The following MAP3K3 variants were observed in gnomAD, a reference collection of about 807,000 sequenced individuals.
MAP3K3 encodes mitogen-activated protein kinase kinase kinase 3, also known as MAP/ERK kinase kinase 3.
Under a neutral mutation model 80.9 loss-of-function variants are expected in MAP3K3, and 12 were observed. The ratio of observed to expected loss-of-function variants is 0.15; its 90% CI spans 0.10 to 0.24. MAP3K3 has a LOEUF of 0.24. Among genes scored for constraint, MAP3K3 ranks in the 10% least tolerant of loss-of-function variants. The pLI is 1.00. For synonymous variants in MAP3K3, 272 were observed against 307.1 expected, an observed-to-expected ratio of 0.89 and a Z score of 1.19; for missense variants, 596 against 834.7, an observed-to-expected ratio of 0.71 and a Z score of 3.52.
chr17:63,664,916 C>T (rs1467822375), intron 5 of MAP3K3, among the ~76,000 whole-genome samples: 1 of 152,096 alleles, frequency 6.6e-6, no homozygotes, highest in African/African-American at 2.4e-5. Flanking sequence ...CTTTTGCCCC[C>T]TTAAATTGAG....
chr17:63,659,750 C>A (rs2034849040), intron 5 of MAP3K3, among the ~76,000 whole-genome samples: 1 of 151,964 alleles, frequency 6.6e-6, no homozygotes, highest in Admixed American at 6.6e-5. Context: ...CCAGACTGGT[C>A]TTGAACTCCT....
rs545692705 is a variant in MAP3K3, at chr17:63,689,397, C to G, written c.872-147C>G. 264 of 649,772 alleles carry G rather than the reference C, an allele frequency of 4.1e-4. 5 individuals carry two copies. In the African/African-American group the frequency reaches 4.5e-3, roughly 11 times the overall value. The allele number at this position is 649,772 out of a possible 1,614,324, so 40.3% of individuals were successfully genotyped here. ...CAGGTGGGAGTGCGGACGGGATGGG[C>G]TGGAGCTGGTATTATCTATCACTTC... is the stretch of plus-strand genomic sequence containing the variant. On this transcript the variant is annotated intron_variant, in intron 10 of 15. Coordinates refer to ENST00000361733, the MANE Select transcript of MAP3K3 (RefSeq NM_002401.5). The surrounding 1 kb of genome is among the most constrained non-coding windows in gnomAD (Gnocchi z 4.3).
At chr17:63,628,815 G>T (rs2143146050) in intron 1 of MAP3K3, among the ~76,000 whole-genome samples, 1 of 152,272 alleles carries the variant, frequency 6.6e-6, no homozygotes, top group African/African-American at 2.4e-5. Flanking sequence ...TAAAAGTTCA[G>T]TAATAAAATT....
rs1598128331 is a variant in MAP3K3 at position 63,693,123 on chromosome 17, A to G, written c.1653-426A>G. On this transcript the variant is annotated intron_variant, in intron 15 of 15. Transcript: ENST00000361733. This position sits in a 1 kb window ranked among gnomAD's most constrained non-coding sequence, Gnocchi z 4.2. ...TAGAACCCAGGAAAGGCAAGGAAAC[A>G]GGTTCTCCCCTCAGAGCCTCTGACA... Among the ~76,000 whole-genome samples, 1 of 152,202 alleles carries G rather than the reference A, an allele frequency of 6.6e-6. No individual in the cohort carries two copies. The highest frequency in any genetic ancestry group is 1.5e-5 in the Non-Finnish European group (1 of 68,042).
chr17:63,622,983 C>T (rs1048008155), intron 1 of MAP3K3, among the ~76,000 whole-genome samples: 7 of 149,002 alleles, frequency 4.7e-5, no homozygotes, highest in Non-Finnish European at 1.5e-5. Context: ...AGAGCCCGCT[C>T]GGCAGCCCTC....
At chr17:63,649,309 C>A (rs992217153) in intron 3 of MAP3K3, among the ~76,000 whole-genome samples, 33 of 151,862 alleles carry the variant, frequency 2.2e-4, no homozygotes. Flanking sequence ...TGGTGGTGCA[C>A]ACCTGTAGTC....
Position 63,688,843 on chromosome 17 carries a change from G to A in MAP3K3, c.833G>A (p.Arg278His), listed in dbSNP as rs368873892. The A allele has an allele frequency of 4.9e-5, 79 of 1,614,066 alleles. No homozygotes were observed. The highest frequency in any genetic ancestry group is 2.9e-4 in the South Asian group (26 of 91,076). Residue 278 changes from arginine (R) to histidine (H), a missense_variant, in exon 10 of 16, where the codon CGC becomes CAC. By Grantham distance (29) the Arg-to-His change is conservative (BLOSUM62 0). This residue lies in a region of MAP3K3 where 364 missense variants were observed against 588.9 expected (regional missense o/e 0.62). Transcript: ENST00000361733. ...GTCAAAGGTGGAACCTACCCCCGGC[G>A]CTACCACGTGTCTGTGCACCACAAG... ...KGVKGGTYPR[R>H]YHVSVHHKDY...
At chr17:63,663,878 C>T (rs2034945341) in intron 5 of MAP3K3, among the ~76,000 whole-genome samples, 1 of 151,856 alleles carries the variant, frequency 6.6e-6, no homozygotes, top group South Asian at 2.1e-4. Flanking sequence ...AAGACCCTGT[C>T]TCAAAAACAA....
chr17:63,632,997 G>A (rs544114717), intron 2 of MAP3K3, among the ~76,000 whole-genome samples, 195 bp downstream of exon 2: 2 of 152,290 alleles, frequency 1.3e-5, no homozygotes, highest in South Asian at 2.1e-4. Flanking sequence ...GGAGGCCGAG[G>A]CAGGCGGATC....
chr17:63,672,283 CAAAAAAA>C (rs150268322), intron 6 of MAP3K3, among the ~76,000 whole-genome samples: 1 of 46,576 alleles, frequency 2.1e-5, no homozygotes, highest in African/African-American at 7.8e-5. Context: ...AACTCCATCT[CAAAAAAA>C]AAAAAAAAAA....
At chr17:63,636,023 T>A (rs2034316428) in intron 2 of MAP3K3, among the ~76,000 whole-genome samples, 2 of 152,194 alleles carry the variant, frequency 1.3e-5, no homozygotes, top group African/African-American at 2.4e-5. Flanking sequence ...ATGGCAGTGC[T>A]GGCTACAAGG....
intron 5 of MAP3K3, among the ~76,000 whole-genome samples, chr17:63,661,867 G>GC (rs2034898481): frequency 6.6e-6 from 1 of 152,186 alleles, no homozygotes; most frequent in African/African-American, 2.4e-5. Flanking sequence ...ACTTTGGGAG[G>GC]CCGAGGCAGG....
At chr17:63,681,621 G>A in intron 6 of MAP3K3, 145 bp from the exon 7 acceptor site, 2 of 633,640 alleles carry the variant, frequency 3.2e-6, no homozygotes, top group Non-Finnish European at 2.4e-6. Context: ...TTGCCTGAGG[G>A]AGCTGGCACA....
chr17:63,629,599 G>A (rs1799536259), intron 1 of MAP3K3, among the ~76,000 whole-genome samples: 1 of 152,128 alleles, frequency 6.6e-6, no homozygotes, highest in African/African-American at 2.4e-5. Context: ...CCTCAATCCA[G>A]GAAGAAATGC....
intron 3 of MAP3K3, among the ~76,000 whole-genome samples, chr17:63,647,788 G>T (rs570052641): frequency 1.3e-5 from 2 of 152,170 alleles, no homozygotes; most frequent in Non-Finnish European, 2.9e-5. Context: ...TGTATTTCAC[G>T]TCAGGATTTT....
At chr17:63,670,045 G>C (rs2035072364) in intron 6 of MAP3K3, among the ~76,000 whole-genome samples, 1 of 151,738 alleles carries the variant, frequency 6.6e-6, no homozygotes, top group African/African-American at 2.4e-5. Flanking sequence ...AGAGGTTTCA[G>C]TGAGCCATGA....
intron 1 of MAP3K3, 58 bp downstream of exon 1, chr17:63,622,821 G>A (rs2034016160): frequency 4.6e-6 from 2 of 435,288 alleles, no homozygotes; most frequent in Non-Finnish European, 9.1e-6. Flanking sequence ...CCCCGCCCCA[G>A]GCTGAGGGAG....
chr17:63,624,618 C>T (rs185543689), intron 1 of MAP3K3, among the ~76,000 whole-genome samples: 1 of 152,246 alleles, frequency 6.6e-6, no homozygotes. Flanking sequence ...AGGATCTTCT[C>T]ATTTGTCCCC....
chr17:63,667,020 C>G lies in MAP3K3; in HGVS notation c.462C>G (p.Ile154Met). The G allele has an allele frequency of 1.2e-6, 2 of 1,611,880 alleles. No homozygotes were observed. The highest frequency in any genetic ancestry group is 1.3e-5 in the African/African-American group (1 of 74,906). The change falls in exon 6 of 16, where the codon ATC (isoleucine) becomes ATG (methionine). Residue 154 changes from isoleucine (I) to methionine (M), a missense_variant. Ile to Met is a conservative substitution (Grantham distance 10). This residue lies in a region of MAP3K3 where 232 missense variants were observed against 245.8 expected (regional missense o/e 0.94). Transcript: ENST00000361733. ...AGTCCGCAGGGGATATAAATACTAT[C>G]TACCAGCCCCCCGAGCCCAGAAGCA... The part of the protein sequence containing the change: ...ASQSAGDINT[I>M]YQPPEPRSRH...
Sources: allele counts gnomAD v4.1 joint callset (sites outside exome capture counted in the v4.1 genomes callset), GRCh38; gene constraint gnomAD v4.1.1; regional missense constraint gnomAD v4.1.1; non-coding constraint Gnocchi (gnomAD v3.1); transcripts MANE v1.5; gene names NCBI Gene and HGNC (gene_info 2026-07-23, HGNC 2026-07-21).